EPB41L3: variants seen among roughly 807,000 people sequenced by gnomAD.
EPB41L3 encodes the protein erythrocyte membrane protein band 4.1 like 3.
In EPB41L3, 57 loss-of-function variants were observed where a neutral mutation model predicts 127.1. The observed-to-expected ratio is 0.45, with a 90% CI of 0.36 to 0.56. The LOEUF (loss-of-function observed/expected upper bound fraction) is 0.56, where lower values mean the gene tolerates loss of function less well. EPB41L3 is among the 20% of genes least tolerant of loss of function. EPB41L3 has a pLI of 0.00. For synonymous variants in EPB41L3, 572 were observed against 549.5 expected (o/e 1.04, Z -0.57); for missense variants, 1,273 against 1,372.2 (o/e 0.93, Z 1.14).
chr18:5,547,159 G>T (rs775762785), upstream of EPB41L3, among the ~76,000 whole-genome samples: 1 of 152,192 alleles, frequency 6.6e-6, no homozygotes, highest in Non-Finnish European at 1.5e-5. Flanking sequence ...AGAAAGCAAG[G>T]TGAAGATACA....
chr18:5,563,065 G>A (rs1322559271), intron 3 of EPB41L3, among the ~76,000 whole-genome samples: 2 of 152,214 alleles, frequency 1.3e-5, no homozygotes, highest in Non-Finnish European at 2.9e-5. Flanking sequence ...AACCTAGCCT[G>A]AGCTGAGTCT....
intron 1 of EPB41L3, among the ~76,000 whole-genome samples, chr18:5,619,972 C>G (rs983892498): frequency 2.0e-5 from 3 of 151,930 alleles, no homozygotes; most frequent in Non-Finnish European, 4.4e-5. Flanking sequence ...ACTATATTAC[C>G]TGAGCTAACA....
intron 3 of EPB41L3, chr18:5,567,092 C>T (rs1401649976): frequency 1.3e-5 from 2 of 152,184 alleles, no homozygotes; most frequent in Non-Finnish European, 2.9e-5. Context: ...AGGAGTGAGC[C>T]GCCTTGCCCG....
chr18:5,619,937 G>A (rs2094841504), intron 1 of EPB41L3, among the ~76,000 whole-genome samples: 1 of 152,112 alleles, frequency 6.6e-6, no homozygotes, highest in Admixed American at 6.5e-5. Context: ...TTAGATCAAT[G>A]TGATCAATTA....
At chr18:5,416,439 A>G in intron 12 of EPB41L3, 61 bp from the exon 13 acceptor site, 1 of 1,486,704 alleles carries the variant, frequency 6.7e-7, no homozygotes, top group South Asian at 1.3e-5. Context: ...AAGGACAAAA[A>G]GAAAACTGCA....
chr18:5,415,294 G>C (rs1246545640), intron 13 of EPB41L3, among the ~76,000 whole-genome samples: 4 of 152,166 alleles, frequency 2.6e-5, no homozygotes, highest in African/African-American at 9.7e-5. Context: ...TGACTGTCTG[G>C]CAATGATGAG....
intron 9 of EPB41L3, among the ~76,000 whole-genome samples, chr18:5,426,458 T>A (rs898529582): frequency 6.6e-6 from 1 of 152,204 alleles, no homozygotes; most frequent in African/African-American, 2.4e-5. Context: ...ATTTGTTCCC[T>A]CCCGTCTATT....
Position 5,394,698 on chromosome 18 carries a change from T to G in EPB41L3, c.3249A>C (p.Glu1083Asp), listed in dbSNP as rs2073042659. ...TTACCTCTGGTCAATCCTCTCCATC[T>G]TCTGGTGTGATCTCTGTCTCTTTAT... ...VVHKETEITP[E>D]DGED is the part of the protein sequence containing the mutation. Residue 1083 changes from glutamate (E) to aspartate (D), a missense_variant, in exon 22 of 23, where the codon GAA becomes GAC. Coordinates refer to ENST00000341928, the MANE Select transcript of EPB41L3 (RefSeq NM_012307.5). 2 of 1,614,114 alleles carry G rather than the reference T, an allele frequency of 1.2e-6. No individual in the cohort carries two copies.
At chr18:5,409,799 C>T (rs2075971139) in intron 14 of EPB41L3, among the ~76,000 whole-genome samples, 1 of 151,314 alleles carries the variant, frequency 6.6e-6, no homozygotes. Flanking sequence ...GAATTAACAT[C>T]AATAAATGTC....
intron 14 of EPB41L3, among the ~76,000 whole-genome samples, chr18:5,408,146 A>G (rs2075719615): frequency 6.6e-6 from 1 of 152,190 alleles, no homozygotes; most frequent in African/African-American, 2.4e-5. Context: ...ATCCCGCCCT[A>G]TGAGGTTAGT....
intron 10 of EPB41L3, among the ~76,000 whole-genome samples, chr18:5,423,995 T>C (rs767715695): frequency 7.9e-5 from 12 of 152,104 alleles, no homozygotes; most frequent in Non-Finnish European, 1.8e-4. Context: ...GATTGGATAT[T>C]TGAAGTGGAC....
At chr18:5,582,777 T>C (rs951671835) in intron 3 of EPB41L3, among the ~76,000 whole-genome samples, 2 of 152,212 alleles carry the variant, frequency 1.3e-5, no homozygotes, top group Admixed American at 1.3e-4. Flanking sequence ...TCATTTTCAC[T>C]GTAAATATTT....
At chr18:5,488,831 G>A in intron 2 of EPB41L3, 170 bp downstream of exon 2, 1 of 644,176 alleles carries the variant, frequency 1.6e-6, no homozygotes, top group South Asian at 2.6e-5. Flanking sequence ...GTTGTGGAAT[G>A]TCATTCACTG....
chr18:5,501,708 C>T (rs1451080881), intron 1 of EPB41L3, among the ~76,000 whole-genome samples: 1 of 152,164 alleles, frequency 6.6e-6, no homozygotes, highest in Non-Finnish European at 1.5e-5. Flanking sequence ...GTCTGACAGA[C>T]TGTTGGCATT....
intron 3 of EPB41L3, 82 bp from the exon 4 acceptor site, chr18:5,445,326 T>C (rs1034085719): frequency 5.4e-5 from 59 of 1,083,352 alleles, no homozygotes; most frequent in Non-Finnish European, 7.9e-5. Flanking sequence ...CCAGGTAATA[T>C]TTAAAACATT....
In EPB41L3 at chr18:5,489,095, C is replaced by G; in HGVS notation, c.89G>C (p.Gly30Ala). Residue 30 changes from glycine to alanine, a missense_variant, in exon 2 of 23, where the codon GGG becomes GCG. Transcript: ENST00000341928. ...QEAAGAQGRA[G>A]APVPEPPKEE... is the part of the protein sequence containing the mutation. ...CTTGGGCGGCTCCGGCACGGGCGCC[C>G]CCGCGCGCCCCTGCGCCCCCGCCGC... 1 of 1,593,870 alleles carries G rather than the reference C, an allele frequency of 6.3e-7. No homozygotes were observed. Among genetic ancestry groups the G allele is most frequent in the Non-Finnish European group, 8.5e-7 (1 of 1,174,064 alleles).
intron 16 of EPB41L3, chr18:5,398,493 G>C: frequency 2.5e-6 from 1 of 403,914 alleles, no homozygotes; most frequent in South Asian, 1.3e-4. Context: ...CTGCGGTATT[G>C]ATTTAACCAT....
At chr18:5,569,588 G>A (rs1341346793) in intron 3 of EPB41L3, among the ~76,000 whole-genome samples, 2 of 152,120 alleles carry the variant, frequency 1.3e-5, no homozygotes, top group South Asian at 2.1e-4. Context: ...TTGGTAACAC[G>A]CTGGTGACTG....
At chr18:5,453,210 G>A (rs1329278975) in intron 3 of EPB41L3, among the ~76,000 whole-genome samples, 1 of 152,224 alleles carries the variant, frequency 6.6e-6, no homozygotes, top group African/African-American at 2.4e-5. Flanking sequence ...GAATCAGCCT[G>A]AGTGAAGCCC....
Sources: allele counts gnomAD v4.1 joint callset (sites outside exome capture counted in the v4.1 genomes callset), GRCh38; gene constraint gnomAD v4.1.1; transcripts MANE v1.5; gene names NCBI Gene and HGNC (gene_info 2026-07-23, HGNC 2026-07-21).